Variants in AP1G1 observed in about 807,000 individuals in gnomAD.
The protein encoded by AP1G1 is AP-1 complex subunit gamma-1.
A neutral mutation model predicts 108.3 loss-of-function variants in AP1G1; 7 were observed. The observed-to-expected ratio is 0.06, with a 90% CI of 0.04 to 0.12. AP1G1 has a LOEUF of 0.12. AP1G1 is among the 10% of genes least tolerant of loss of function. AP1G1 has a pLI of 1.00. For missense variants in AP1G1, 756 were observed against 1,010.7 expected (o/e 0.75, Z 3.42); for synonymous variants, 379 against 353.5 (o/e 1.07, Z -0.81).
intron 2 of AP1G1, among the ~76,000 whole-genome samples, chr16:71,782,138 A>C (rs1349999371): frequency 6.6e-6 from 1 of 152,194 alleles, no homozygotes; most frequent in Non-Finnish European, 1.5e-5. Context: ...AAGGCAATAT[A>C]AACGTTTATT....
chr16:71,807,693 G>A (rs1290396720), intron 1 of AP1G1: 3 of 715,084 alleles, frequency 4.2e-6, no homozygotes, highest in African/African-American at 1.9e-5. Flanking sequence ...AGTCAGCAAA[G>A]ATCATTACTG....
At chr16:71,771,103 T>C (rs1475018100) in intron 5 of AP1G1, 53 bp downstream of exon 5, 8 of 1,178,408 alleles carry the variant, frequency 6.8e-6, no homozygotes, top group Non-Finnish European at 1.0e-5. Context: ...CTTAAGCCTT[T>C]TCTCTTTCCC....
At chr16:71,800,782 C>CA (rs1323567824) in intron 1 of AP1G1, among the ~76,000 whole-genome samples, 3 of 151,490 alleles carry the variant, frequency 2.0e-5, no homozygotes, top group South Asian at 2.1e-4. Context: ...GCCTGGGCAA[C>CA]ACAGCGAGAC....
At chr16:71,781,850 G>A (rs1360270102) in intron 2 of AP1G1, among the ~76,000 whole-genome samples, 1 of 152,184 alleles carries the variant, frequency 6.6e-6, no homozygotes, top group Non-Finnish European at 1.5e-5. Context: ...TATACCTAAG[G>A]AGGCTTGATC....
chr16:71,777,807 C>G, intron 2 of AP1G1: 1 of 403,224 alleles, frequency 2.5e-6, no homozygotes, highest in South Asian at 1.9e-5. Context: ...CCCAACTCAG[C>G]CACTGCCTCC....
rs534725111 is a variant in AP1G1 at position 71,743,892 on chromosome 16, G to A, written c.1999+1252C>T. ...ACCCAGGTTGCAGAGGCTGCAGTGA[G>A]CCGAGATCATGCTACTGCACTCCAG... On this transcript the variant is annotated intron_variant, in intron 19 of 22. Transcript: ENST00000299980. Among the ~76,000 whole-genome samples, 6 of 145,608 alleles carry A rather than the reference G, an allele frequency of 4.1e-5. No homozygotes were observed. In the East Asian group the frequency reaches 1.2e-3, roughly 29 times the overall value.
At chr16:71,747,818 C>CA (rs770905250) in intron 16 of AP1G1, among the ~76,000 whole-genome samples, 55 of 152,036 alleles carry the variant, frequency 3.6e-4, no homozygotes, top group African/African-American at 1.2e-3. Flanking sequence ...ACTTTCTCTA[C>CA]AAAAAAATGT....
chr16:71,736,582 A>T, intron 21 of AP1G1, among the ~76,000 whole-genome samples: 1 of 133,070 alleles, frequency 7.5e-6, no homozygotes, highest in African/African-American at 2.8e-5. Context: ...TTATTTATTT[A>T]TTTATTTATT....
intron 19 of AP1G1, among the ~76,000 whole-genome samples, chr16:71,744,788 C>G (rs1304430846): frequency 6.6e-6 from 1 of 152,024 alleles, no homozygotes; most frequent in African/African-American, 2.4e-5. Context: ...GTTGGCCAGG[C>G]TGGTCTAGAA....
chr16:71,737,123 AG>A (rs2045560355), intron 21 of AP1G1, among the ~76,000 whole-genome samples: 1 of 152,212 alleles, frequency 6.6e-6, no homozygotes, highest in African/African-American at 2.4e-5. Flanking sequence ...AAGCAACCTT[AG>A]GAAGTGGCTA....
At chr16:71,738,902 C>G in intron 21 of AP1G1, 40 bp downstream of exon 21, 1 of 1,549,234 alleles carries the variant, frequency 6.5e-7, no homozygotes, top group Non-Finnish European at 8.7e-7. Context: ...GCCAGCCAAT[C>G]TTTAATCAAA....
intron 14 of AP1G1, 60 bp from the exon 15 acceptor site, chr16:71,750,043 C>T: frequency 6.6e-7 from 1 of 1,514,516 alleles, no homozygotes; most frequent in Non-Finnish European, 9.2e-7. Context: ...TTATTTAATG[C>T]AAATCATAGG....
At chr16:71,767,776 A>G in intron 6 of AP1G1, 2 of 1,143,606 alleles carry the variant, frequency 1.7e-6, no homozygotes, top group Non-Finnish European at 2.6e-6. Flanking sequence ...GCACAGCTTC[A>G]GCATTAGTAT....
chr16:71,738,895 A>T, intron 21 of AP1G1, 47 bp downstream of exon 21: 2 of 1,516,102 alleles, frequency 1.3e-6, no homozygotes, highest in South Asian at 1.3e-5. Flanking sequence ...AAAAAAAGCC[A>T]GCCAATCTTT....
intron 1 of AP1G1, among the ~76,000 whole-genome samples, chr16:71,792,895 C>T (rs1455584667): frequency 6.6e-6 from 1 of 150,562 alleles, no homozygotes; most frequent in African/African-American, 2.4e-5. Flanking sequence ...AGGCTGGGCA[C>T]GGTGGCTCAC....
rs939364949 is a variant in AP1G1, at chr16:71,731,781, G to A, written c.*1277C>T. On this transcript the variant is annotated 3_prime_UTR_variant, in exon 23 of 23. Coordinates refer to ENST00000299980, the MANE Select transcript of AP1G1 (RefSeq NM_001128.6). ...GACCAATTTCTCAGACTGAGGAAAGGCTATTCCTACCCTATGGTGTCCGTA... is the reference window on the plus strand; with the variant it reads ...GACCAATTTCTCAGACTGAGGAAAGACTATTCCTACCCTATGGTGTCCGTA... 3 of 152,602 alleles carry A rather than the reference G, an allele frequency of 2.0e-5. No individual in the cohort carries two copies. The highest frequency in any genetic ancestry group is 4.4e-5 in the Non-Finnish European group (3 of 68,022). 9.5% of individuals were successfully genotyped at this position (152,602 alleles called of 1,614,324 possible).
At chr16:71,795,040 C>A (rs1325515670) in intron 1 of AP1G1, among the ~76,000 whole-genome samples, 1 of 151,662 alleles carries the variant, frequency 6.6e-6, no homozygotes, top group Non-Finnish European at 1.5e-5. Flanking sequence ...CCAAAGCACA[C>A]AAAATAAAGG....
chr16:71,750,314 C>A lies in AP1G1; in HGVS notation c.1303G>T (p.Asp435Tyr). ...TGGATTAAATTGGGGACTGCATCAT[C>A]ACGAACATAACTTCCTGCCTAAAAG... ...VLTTAGSYVR[D>Y]DAVPNLIQLI... Residue 435 changes from aspartate (D) to tyrosine (Y), a missense_variant, in exon 14 of 23, where the codon GAT becomes TAT. This residue lies in a region of AP1G1 where 357 missense variants were observed against 366.5 expected (regional missense o/e 0.97). Coordinates refer to ENST00000299980, the MANE Select transcript of AP1G1 (RefSeq NM_001128.6). 1 of 1,614,058 alleles carries A rather than the reference C, an allele frequency of 6.2e-7. No homozygotes were observed. The highest frequency in any genetic ancestry group is 8.5e-7 in the Non-Finnish European group (1 of 1,179,994).
rs1190215536 is a variant in AP1G1, at chr16:71,800,276, C to T, written c.-4+8487G>A. Among the ~76,000 whole-genome samples the T allele has an allele frequency of 4.1e-5, 6 of 147,282 alleles. No homozygotes were observed. In the East Asian group the frequency reaches 1.0e-3, roughly 25 times the overall value. ...GTCCCAGCTACTCGGGAGGCTGAGG[C>T]AGGAGAATGGCGTGAACCCAGGAGG... On this transcript the variant is annotated intron_variant, in intron 1 of 22. Coordinates refer to ENST00000299980, the MANE Select transcript of AP1G1 (RefSeq NM_001128.6).
Sources: allele counts gnomAD v4.1 joint callset (sites outside exome capture counted in the v4.1 genomes callset), GRCh38; gene constraint gnomAD v4.1.1; regional missense constraint gnomAD v4.1.1; transcripts MANE v1.5; gene names NCBI Gene and HGNC (gene_info 2026-07-23, HGNC 2026-07-21).